SORCS2: variants seen among roughly 807,000 people sequenced by gnomAD.
SORCS2 encodes sortilin related VPS10 domain containing receptor 2.
SORCS2 carries 100 observed loss-of-function variants against 141.6 expected under a neutral mutation model. That is an observed-to-expected ratio of 0.71 (90% confidence interval 0.60 to 0.83). The LOEUF is 0.83. SORCS2 is among the 40% of genes least tolerant of loss of function. SORCS2 has a pLI of 0.00. For missense variants in SORCS2, 1,646 were observed against 1,560.2 expected, an observed-to-expected ratio of 1.05 and a Z score of -0.93; for synonymous variants, 789 against 676.9, an observed-to-expected ratio of 1.17 and a Z score of -2.57.
chr4:7,403,991 ATATATATTTTTTTTTTT>A (rs1240406423), intron 2 of SORCS2, among the ~76,000 whole-genome samples: 7 of 5,052 alleles, frequency 1.4e-3, no homozygotes, highest in Non-Finnish European at 3.0e-3. Flanking sequence ...ATATATATAT[ATATATATTTTTTTTTTT>A]TTTTTAGTAT....
At chr4:7,625,583 G>A (rs1295779234) in intron 3 of SORCS2, among the ~76,000 whole-genome samples, 2 of 151,792 alleles carry the variant, frequency 1.3e-5, no homozygotes, top group Non-Finnish European at 1.5e-5. Context: ...TGCAGGAGCC[G>A]GGTTGCATGG....
At chr4:7,636,958 C>A (rs1022670092) in intron 3 of SORCS2, among the ~76,000 whole-genome samples, 1 of 152,106 alleles carries the variant, frequency 6.6e-6, no homozygotes, top group African/African-American at 2.4e-5. Flanking sequence ...CCTGAGCTGC[C>A]AGCAATTCAT....
chr4:7,740,205 C>A lies in SORCS2; in HGVS notation c.3421C>A (p.His1141Asn), dbSNP rs1395455504. 2 of 1,607,982 alleles carry A rather than the reference C, an allele frequency of 1.2e-6. No homozygotes were observed. Among genetic ancestry groups the A allele is most frequent in the Middle Eastern group, 1.6e-4 (1 of 6,082 alleles). The change falls in exon 27 of 27, where the codon CAC becomes AAC. Residue 1141 changes from histidine (H) to asparagine (N), a missense_variant. By Grantham distance (68) the His-to-Asn change is moderately conservative (BLOSUM62 1). Transcript: ENST00000507866. The part of the protein sequence containing the change: ...EDVQGAVQGN[H>N]SGVVLSINSR... ...GCGTCTCTTCTGTTTCCTAGGCAAC[C>A]ACTCAGGCGTGGTCCTGAGCATCAA...
intron 1 of SORCS2, among the ~76,000 whole-genome samples, chr4:7,295,134 C>T (rs1380508103): frequency 3.6e-5 from 1 of 27,730 alleles, no homozygotes; most frequent in Admixed American, 3.5e-4. Flanking sequence ...TTCCTCCTCC[C>T]CCTCCTCCTC....
chr4:7,420,367 C>T (rs148800194), intron 2 of SORCS2, among the ~76,000 whole-genome samples: 162 of 152,268 alleles, frequency 1.1e-3, no homozygotes, highest in African/African-American at 3.5e-3. Context: ...TTGTGGGAGC[C>T]TTGGATGAGA....
At chr4:7,451,699 G>A (rs948094446) in intron 2 of SORCS2, among the ~76,000 whole-genome samples, 3 of 152,226 alleles carry the variant, frequency 2.0e-5, no homozygotes, top group African/African-American at 7.2e-5. Flanking sequence ...CTTTGCCACT[G>A]GGGTGGTGGG....
chr4:7,718,425 A>AG (rs1294121242), intron 18 of SORCS2, among the ~76,000 whole-genome samples: 1 of 152,158 alleles, frequency 6.6e-6, no homozygotes, highest in Non-Finnish European at 1.5e-5. Flanking sequence ...AGGGGGTATT[A>AG]GGGTCCCCGC....
At chr4:7,547,332 A>G (rs1713340841) in intron 3 of SORCS2, among the ~76,000 whole-genome samples, 1 of 151,958 alleles carries the variant, frequency 6.6e-6, no homozygotes, top group Admixed American at 6.5e-5. Flanking sequence ...TCCCTAGCCC[A>G]CTTCCCTCCA....
At chr4:7,281,220 T>C (rs559085608) in intron 1 of SORCS2, among the ~76,000 whole-genome samples, 1 of 152,222 alleles carries the variant, frequency 6.6e-6, no homozygotes, top group East Asian at 1.9e-4. Context: ...GGGGTCACTC[T>C]TGCCACAGCC....
At chr4:7,325,143 G>C (rs1719167367) in intron 1 of SORCS2, among the ~76,000 whole-genome samples, 1 of 152,180 alleles carries the variant, frequency 6.6e-6, no homozygotes, top group South Asian at 2.1e-4. Flanking sequence ...GGTGGGGCGG[G>C]TGTTGGCCCC....
intron 1 of SORCS2, among the ~76,000 whole-genome samples, chr4:7,329,959 A>G (rs1719542601): frequency 6.6e-6 from 1 of 152,138 alleles, no homozygotes; most frequent in Non-Finnish European, 1.5e-5. Context: ...TTGAGAGGTC[A>G]GAAGTCTGAG....
At chr4:7,638,761 A>T (rs1367313287) in intron 4 of SORCS2, among the ~76,000 whole-genome samples, 7 of 152,156 alleles carry the variant, frequency 4.6e-5, no homozygotes, top group Non-Finnish European at 1.0e-4. Flanking sequence ...CAAGAGAGGA[A>T]CCAGTGAGTA....
chr4:7,691,671 C>T (rs1724264896), intron 11 of SORCS2, among the ~76,000 whole-genome samples: 1 of 152,144 alleles, frequency 6.6e-6, no homozygotes, highest in Admixed American at 6.5e-5. Context: ...GACTGCCTAT[C>T]AGCTTCCACG....
intron 2 of SORCS2, among the ~76,000 whole-genome samples, chr4:7,527,363 GT>G (rs1336000312): frequency 6.6e-6 from 1 of 152,262 alleles, no homozygotes; most frequent in Non-Finnish European, 1.5e-5. Context: ...TGGGGCCTTT[GT>G]AATCACAAGG....
intron 1 of SORCS2, among the ~76,000 whole-genome samples, chr4:7,209,211 C>T (rs1458738988): frequency 6.6e-6 from 1 of 152,254 alleles, no homozygotes; most frequent in African/African-American, 2.4e-5. Flanking sequence ...GATGCCCCCT[C>T]CTCAGCTGGC....
At chr4:7,499,853 T>C (rs1731853679) in intron 2 of SORCS2, among the ~76,000 whole-genome samples, 1 of 152,122 alleles carries the variant, frequency 6.6e-6, no homozygotes, top group Non-Finnish European at 1.5e-5. Context: ...CACAGGTGGG[T>C]GGACCCCCTC....
At chr4:7,694,761 C>T (rs1724488668) in intron 11 of SORCS2, among the ~76,000 whole-genome samples, 2 of 152,234 alleles carry the variant, frequency 1.3e-5, no homozygotes, top group South Asian at 4.1e-4. Flanking sequence ...CCACACTGCA[C>T]AGATTCCACA....
Position 7,420,818 on chromosome 4 carries a change from G to A in SORCS2, c.548+24463G>A, listed in dbSNP as rs563149785. Among the ~76,000 whole-genome samples, 12 of 152,234 alleles carry A rather than the reference G, an allele frequency of 7.9e-5. No homozygotes were observed. In the South Asian group the frequency reaches 8.3e-4, roughly 11 times the overall value. ...CCCACCAGCCAGCCCGCCTGCCACC[G>A]TCACAAGCTGGAGCCTGCACGGCAT... is the stretch of plus-strand genomic sequence containing the variant. On this transcript the variant is annotated intron_variant, in intron 2 of 26. Transcript: ENST00000507866.
At chr4:7,387,558 T>C (rs111203691) in intron 1 of SORCS2, among the ~76,000 whole-genome samples, 2 of 127,772 alleles carry the variant, frequency 1.6e-5, no homozygotes, top group South Asian at 2.6e-4. Flanking sequence ...CATACACATA[T>C]GTACACACGC....
Sources: allele counts gnomAD v4.1 joint callset (sites outside exome capture counted in the v4.1 genomes callset), GRCh38; gene constraint gnomAD v4.1.1; transcripts MANE v1.5; gene names NCBI Gene and HGNC (gene_info 2026-07-23, HGNC 2026-07-21).